The following DLG2 variants were observed in gnomAD, a reference collection of about 807,000 sequenced individuals.
DLG2 encodes the protein disks large homolog 2.
Under a neutral mutation model 132.5 loss-of-function variants are expected in DLG2, and 45 were observed. The ratio of observed to expected loss-of-function variants is 0.34; its 90% confidence interval spans 0.27 to 0.44. The LOEUF (loss-of-function observed/expected upper bound fraction) is 0.44. Among genes scored for constraint, DLG2 ranks in the 20% least tolerant of loss-of-function variants. The pLI is 1.00. For synonymous variants in DLG2, 424 were observed against 419.6 expected, an observed-to-expected ratio of 1.01 and a Z score of -0.13; for missense variants, 1,045 against 1,196.9, an observed-to-expected ratio of 0.87 and a Z score of 1.87.
chr11:84,624,998 C>T (rs1237355091), intron 6 of DLG2, among the ~76,000 whole-genome samples: 1 of 148,646 alleles, frequency 6.7e-6, no homozygotes, highest in Non-Finnish European at 1.5e-5. Context: ...GTAGCTGGGA[C>T]TACAGGCGCC....
At chr11:85,114,516 A>G (rs1279974075) in intron 5 of DLG2, among the ~76,000 whole-genome samples, 2 of 151,990 alleles carry the variant, frequency 1.3e-5, no homozygotes, top group African/African-American at 2.4e-5. Flanking sequence ...TGACTAGACC[A>G]GGATTCGGGG....
intron 7 of DLG2, among the ~76,000 whole-genome samples, chr11:84,425,868 C>G (rs1443265835): frequency 6.6e-6 from 1 of 152,074 alleles, no homozygotes; most frequent in African/African-American, 2.4e-5. Context: ...TGACTCCATT[C>G]AATTCACAGC....
chr11:84,937,730 AT>A (rs1422799862), intron 6 of DLG2, among the ~76,000 whole-genome samples: 1 of 152,198 alleles, frequency 6.6e-6, no homozygotes, highest in Admixed American at 6.5e-5. Context: ...AAATACAGGA[AT>A]TTTGTTTAAT....
At chr11:83,905,538 G>A (rs1012629822) in intron 15 of DLG2, among the ~76,000 whole-genome samples, 3 of 152,158 alleles carry the variant, frequency 2.0e-5, no homozygotes, top group African/African-American at 7.2e-5. Context: ...ACAGCAAAGG[G>A]ATGAGGTCTA....
chr11:84,897,961 T>G (rs1171407825), intron 6 of DLG2, among the ~76,000 whole-genome samples: 1 of 151,874 alleles, frequency 6.6e-6, no homozygotes, highest in Non-Finnish European at 1.5e-5. Flanking sequence ...GAAGTCTATT[T>G]CAAATTAACT....
intron 12 of DLG2, among the ~76,000 whole-genome samples, chr11:83,969,348 G>C (rs12796172): frequency 0.043 from 6,473 of 152,198 alleles, 197 homozygotes; most frequent in Non-Finnish European, 0.067. Context: ...AAATTCCAAA[G>C]TATTATAAAA....
At chr11:83,669,204 C>T (rs1355845540) in intron 18 of DLG2, among the ~76,000 whole-genome samples, 2 of 151,582 alleles carry the variant, frequency 1.3e-5, no homozygotes, top group African/African-American at 4.9e-5. Context: ...TCATGAACCC[C>T]CTCTCCCTAC....
At chr11:83,852,984 T>G (rs189955961) in intron 16 of DLG2, among the ~76,000 whole-genome samples, 7 of 152,352 alleles carry the variant, frequency 4.6e-5, no homozygotes, top group Middle Eastern at 3.4e-3. Context: ...ATTAACTATT[T>G]CCTTTAGTCA....
intron 7 of DLG2, among the ~76,000 whole-genome samples, chr11:84,405,852 T>C (rs1307785307): frequency 6.6e-6 from 1 of 152,158 alleles, no homozygotes; most frequent in East Asian, 1.9e-4. Flanking sequence ...CCTTGTCTCC[T>C]GTGAATTGCT....
At chr11:84,179,133 CA>C (rs1434651545) in intron 8 of DLG2, among the ~76,000 whole-genome samples, 1 of 151,954 alleles carries the variant, frequency 6.6e-6, no homozygotes, top group Admixed American at 6.6e-5. Flanking sequence ...AATGACACAT[CA>C]AATTGAAAAT....
intron 8 of DLG2, among the ~76,000 whole-genome samples, chr11:84,172,949 T>C (rs1168612774): frequency 6.6e-6 from 1 of 152,150 alleles, no homozygotes; most frequent in Non-Finnish European, 1.5e-5. Flanking sequence ...AACTACTATG[T>C]TTTTAAAATT....
intron 6 of DLG2, among the ~76,000 whole-genome samples, chr11:85,062,144 T>G (rs969415217): frequency 6.6e-6 from 1 of 151,952 alleles, no homozygotes; most frequent in Admixed American, 6.6e-5. Context: ...TATCTGAAAT[T>G]GAACAGAGCT....
At chr11:85,511,660 A>T (rs2094073193) in intron 3 of DLG2, among the ~76,000 whole-genome samples, 1 of 152,038 alleles carries the variant, frequency 6.6e-6, no homozygotes, top group Non-Finnish European at 1.5e-5. Flanking sequence ...CATTAAGATT[A>T]AATGTTTCAA....
chr11:85,406,375 AG>A (rs2088736383), intron 3 of DLG2, among the ~76,000 whole-genome samples: 1 of 151,952 alleles, frequency 6.6e-6, no homozygotes, highest in African/African-American at 2.4e-5. Flanking sequence ...TCAGCATTGT[AG>A]GGAAGTGGAG....
intron 10 of DLG2, among the ~76,000 whole-genome samples, chr11:84,088,038 T>G (rs1011394122): frequency 6.6e-6 from 1 of 152,210 alleles, no homozygotes; most frequent in Non-Finnish European, 1.5e-5. Context: ...AAGTCGTTTA[T>G]CAGGTATATT....
chr11:85,039,336 C>A (rs1022431845), intron 6 of DLG2, among the ~76,000 whole-genome samples: 15 of 151,978 alleles, frequency 9.9e-5, no homozygotes, highest in South Asian at 6.2e-4. Context: ...TATATCCAGT[C>A]TAGGTAGTTG....
intron 3 of DLG2, among the ~76,000 whole-genome samples, chr11:85,365,562 A>C (rs2084481706): frequency 6.6e-6 from 1 of 152,188 alleles, no homozygotes; most frequent in Non-Finnish European, 1.5e-5. Flanking sequence ...ATACCATTTG[A>C]CCCAGCAATC....
intron 6 of DLG2, among the ~76,000 whole-genome samples, chr11:84,575,438 T>C (rs2099497238): frequency 6.6e-6 from 1 of 152,100 alleles, no homozygotes; most frequent in South Asian, 2.1e-4. Context: ...TCTAGGCAGC[T>C]TGGTATTATC....
At chr11:83,740,534 G>C (rs2092420220) in intron 18 of DLG2, among the ~76,000 whole-genome samples, 1 of 152,114 alleles carries the variant, frequency 6.6e-6, no homozygotes, top group Non-Finnish European at 1.5e-5. Context: ...GTACAAAGAA[G>C]CATTGTTTTC....
Sources: allele counts gnomAD v4.1 joint callset (sites outside exome capture counted in the v4.1 genomes callset), GRCh38; gene constraint gnomAD v4.1.1; transcripts MANE v1.5; gene names NCBI Gene and HGNC (gene_info 2026-07-23, HGNC 2026-07-21).